Variants in DIP2C observed in about 807,000 individuals in gnomAD.
DIP2C encodes disco-interacting protein 2 homolog C.
A neutral mutation model predicts 192.4 loss-of-function variants in DIP2C; 33 were observed. The ratio of observed to expected loss-of-function variants is 0.17; its 90% CI spans 0.13 to 0.23. The LOEUF is 0.23. DIP2C is among the 10% of genes least tolerant of loss of function. The pLI, the probability that DIP2C is intolerant of heterozygous loss-of-function variation, is 1.00. For synonymous variants in DIP2C, 979 were observed against 864.1 expected, an observed-to-expected ratio of 1.13 and a Z score of -2.33; for missense variants, 1,537 against 2,110.1, an observed-to-expected ratio of 0.73 and a Z score of 5.32.
At chr10:540,776 A>G (rs773912298) in intron 1 of DIP2C, among the ~76,000 whole-genome samples, 3 of 152,364 alleles carry the variant, frequency 2.0e-5, no homozygotes, top group Middle Eastern at 3.4e-3. Flanking sequence ...TGCATCCTGT[A>G]AGGTGCATTT....
At position 556,524 on chromosome 10, in the gene DIP2C, G is replaced by A. The variant is rs76540029; in HGVS notation, c.86-69994C>T. On this transcript the variant is annotated intron_variant, in intron 1 of 36. Transcript: ENST00000280886. ...ACCAGGACATTTTGGAGGTTCCTCA[G>A]CAAACTCAACAGCCTTAGACTGAAC... Among the ~76,000 whole-genome samples, 312 of 150,892 alleles carry A rather than the reference G, an allele frequency of 2.1e-3. 2 individuals carry two copies. Among genetic ancestry groups the A allele is most frequent in the African/African-American group, 7.2e-3 (296 of 40,988 alleles).
At chr10:519,717 T>TA (rs1461129139) in intron 1 of DIP2C, among the ~76,000 whole-genome samples, 1 of 152,232 alleles carries the variant, frequency 6.6e-6, no homozygotes, top group Non-Finnish European at 1.5e-5. Flanking sequence ...CCTGAGCTCA[T>TA]TAGGGACAGA....
At chr10:357,787 AGTCGGGGACG>A in intron 23 of DIP2C, 31 bp downstream of exon 23, 1 of 1,511,372 alleles carries the variant, frequency 6.6e-7, no homozygotes, top group African/African-American at 1.4e-5. Flanking sequence ...CAGTCGGAAA[AGTCGGGGACG>A]GTCGGGGAGA....
chr10:513,683 C>CCA (rs1474404618), intron 1 of DIP2C, among the ~76,000 whole-genome samples: 1 of 152,164 alleles, frequency 6.6e-6, no homozygotes, highest in Non-Finnish European at 1.5e-5. Context: ...ACCTCCACCC[C>CCA]CACCCCATGT....
intron 1 of DIP2C, among the ~76,000 whole-genome samples, chr10:619,533 G>GCCCACCCT (rs1172584696): frequency 2.6e-5 from 1 of 38,768 alleles, no homozygotes; most frequent in Non-Finnish European, 5.7e-5. Context: ...GACCAAGCCC[G>GCCCACCCT]CCCGCCCGCC....
chr10:542,219 G>C (rs1252843637), intron 1 of DIP2C, among the ~76,000 whole-genome samples: 1 of 152,184 alleles, frequency 6.6e-6, no homozygotes, highest in Non-Finnish European at 1.5e-5. Context: ...GCCTGCCTCT[G>C]CGAGTTACCT....
Position 414,739 on chromosome 10 carries a change from G to GTGTGTGTGTGTATATATA in DIP2C, c.860-630_860-629insTATATATACACACACACA. On this transcript the variant is annotated intron_variant, in intron 7 of 36. Coordinates refer to ENST00000280886, the MANE Select transcript of DIP2C (RefSeq NM_014974.3). ...TGTGTGTGTGTGTGTGTGTGTGTGTGTACATATATATATATATAATGTGTA... is the reference window on the plus strand; with the variant it reads ...TGTGTGTGTGTGTGTGTGTGTGTGTGTGTGTGTGTGTATATATATACATATATATATATATAATGTGTA... Among the ~76,000 whole-genome samples, 276 of 90,510 alleles carry GTGTGTGTGTGTATATATA rather than the reference G, an allele frequency of 3.0e-3. 8 individuals are homozygous for GTGTGTGTGTGTATATATA. Among genetic ancestry groups the GTGTGTGTGTGTATATATA allele is most frequent in the South Asian group, 5.2e-3 (13 of 2,510 alleles). The allele number at this position is 90,510 out of a possible 152,430, so 59.4% of individuals were successfully genotyped here.
rs943461540 is a variant in DIP2C, at chr10:274,357, A to G, written c.*2968T>C. On this transcript the variant is annotated 3_prime_UTR_variant, in exon 37 of 37. Coordinates refer to ENST00000280886, the MANE Select transcript of DIP2C (RefSeq NM_014974.3). ...TCTGTACTAAGTAATGCAACAAATTATGTAAACAGAGTCAGATACATTTCC... is the reference window on the plus strand; with the variant it reads ...TCTGTACTAAGTAATGCAACAAATTGTGTAAACAGAGTCAGATACATTTCC... The G allele has an allele frequency of 6.6e-6, 1 of 152,254 alleles. No homozygotes were observed. Among genetic ancestry groups the G allele is most frequent in the Non-Finnish European group, 1.5e-5 (1 of 68,042 alleles). 9.4% of individuals were successfully genotyped at this position (152,254 alleles called of 1,614,324 possible).
chr10:416,290 C>T (rs112330356), intron 6 of DIP2C, among the ~76,000 whole-genome samples: 4 of 152,204 alleles, frequency 2.6e-5, no homozygotes, highest in South Asian at 4.2e-4. Context: ...TCCTTCCCTG[C>T]GTCTATCTCT....
At position 366,344 on chromosome 10, in the gene DIP2C, C is replaced by T. The variant is rs372064755; in HGVS notation, c.2199G>A (p.Leu733=). Residue 733 remains leucine, a synonymous_variant, in exon 19 of 37, where the codon CTG becomes CTA. Transcript: ENST00000280886. ...TGCCCGTCGCAACTGCACACACACA[C>T]AGCTCCCCGATCTCATCCGTTCTGC... is the stretch of plus-strand genomic sequence containing the variant. ...QLCRTDEIGE[L]CVCAVATGTS... 4.3e-6 allele frequency: 7 copies of T among 1,614,096 alleles called. No homozygotes were observed. The highest frequency in any genetic ancestry group is 1.7e-5 in the Admixed American group (1 of 60,004).
chr10:617,608 C>T (rs1475578630), intron 1 of DIP2C, among the ~76,000 whole-genome samples: 5 of 152,170 alleles, frequency 3.3e-5, no homozygotes, highest in South Asian at 2.1e-4. Flanking sequence ...TGCCACGTAG[C>T]GGCCACCAGC....
intron 4 of DIP2C, among the ~76,000 whole-genome samples, chr10:438,784 C>A (rs1967481472): frequency 6.6e-6 from 1 of 152,068 alleles, no homozygotes; most frequent in African/African-American, 2.4e-5. Context: ...AGCCACCATG[C>A]CTGGCCTAAT....
chr10:377,947 G>A (rs1278854620), intron 17 of DIP2C, among the ~76,000 whole-genome samples: 2 of 152,074 alleles, frequency 1.3e-5, no homozygotes, highest in Non-Finnish European at 2.9e-5. Flanking sequence ...ATGTTTTTCA[G>A]TTCAATAAAC....
intron 1 of DIP2C, among the ~76,000 whole-genome samples, chr10:504,415 T>C (rs562468621): frequency 1.2e-4 from 19 of 152,150 alleles, no homozygotes; most frequent in African/African-American, 4.6e-4. Context: ...CTGGAAGTCC[T>C]GGGAGAGAAA....
chr10:302,997 ATG>A (rs1349719241), intron 32 of DIP2C, among the ~76,000 whole-genome samples: 2 of 152,016 alleles, frequency 1.3e-5, no homozygotes, highest in Admixed American at 1.3e-4. Context: ...CAGACATCGC[ATG>A]TGTCTGTAGG....
intron 1 of DIP2C, among the ~76,000 whole-genome samples, chr10:487,074 A>C (rs947104895): frequency 1.2e-4 from 18 of 152,228 alleles, no homozygotes; most frequent in African/African-American, 4.1e-4. Flanking sequence ...AAGACAAGAG[A>C]AAGGTGCTTG....
At chr10:506,656 C>G (rs1342547474) in intron 1 of DIP2C, among the ~76,000 whole-genome samples, 2 of 152,242 alleles carry the variant, frequency 1.3e-5, no homozygotes, top group African/African-American at 4.8e-5. Flanking sequence ...CTGGGCACTC[C>G]TGCAGTCTGC....
intron 9 of DIP2C, among the ~76,000 whole-genome samples, chr10:399,588 G>A (rs1287074436): frequency 6.6e-6 from 1 of 152,200 alleles, no homozygotes; most frequent in East Asian, 1.9e-4. Flanking sequence ...GACAGCATGT[G>A]CAGGACTCAG....
At chr10:607,766 A>G in intron 1 of DIP2C, among the ~76,000 whole-genome samples, 1 of 152,100 alleles carries the variant, frequency 6.6e-6, no homozygotes, top group Non-Finnish European at 1.5e-5. Context: ...CTTCAGAGAC[A>G]ATGGAAACCT....
Sources: allele counts gnomAD v4.1 joint callset (sites outside exome capture counted in the v4.1 genomes callset), GRCh38; gene constraint gnomAD v4.1.1; transcripts MANE v1.5; gene names NCBI Gene and HGNC (gene_info 2026-07-23, HGNC 2026-07-21).